SHTN1: variants seen among roughly 807,000 people sequenced by gnomAD.
The protein encoded by SHTN1 is shootin-1.
Under a neutral mutation model 83.1 loss-of-function variants are expected in SHTN1, and 42 were observed. That is an observed-to-expected ratio of 0.51 (90% CI 0.39 to 0.65). The LOEUF (loss-of-function observed/expected upper bound fraction) is 0.65, where lower values mean the gene tolerates loss of function less well. Among genes scored for constraint, SHTN1 ranks in the 30% least tolerant of loss-of-function variants. The pLI is 0.00. For missense variants in SHTN1, 622 were observed against 737.8 expected (o/e 0.84, Z 1.82); for synonymous variants, 224 against 247.7 (o/e 0.90, Z 0.90).
Position 116,885,621 on chromosome 10 carries a change from G to A in SHTN1, c.*723C>T, listed in dbSNP as rs1847142364. On this transcript the variant is annotated 3_prime_UTR_variant, in exon 17 of 17. Transcript: ENST00000355371. The stretch of plus-strand genomic sequence containing the variant: ...ATTAACTCATAGCACAGAGCACATG[G>A]TTTACCAACTTACTACTGTAAAATT... The A allele has an allele frequency of 6.6e-6, 1 of 152,468 alleles. No individual in the cohort carries two copies. Among genetic ancestry groups the A allele is most frequent in the Non-Finnish European group, 1.5e-5 (1 of 68,066 alleles). 9.4% of individuals were successfully genotyped at this position (152,468 alleles called of 1,614,324 possible).
chr10:117,050,719 T>A (rs978303839), intron 1 of SHTN1, among the ~76,000 whole-genome samples: 1 of 150,538 alleles, frequency 6.6e-6, no homozygotes, highest in African/African-American at 2.4e-5. Context: ...GGAGAGAGAT[T>A]CAATTACTAA....
At chr10:116,986,319 A>G (rs1052216588) in intron 1 of SHTN1, among the ~76,000 whole-genome samples, 1 of 152,200 alleles carries the variant, frequency 6.6e-6, no homozygotes, top group Non-Finnish European at 1.5e-5. Context: ...AGAGACACAT[A>G]AGGCAGATAG....
At chr10:116,995,100 T>G (rs1490681490) in intron 1 of SHTN1, among the ~76,000 whole-genome samples, 2 of 152,148 alleles carry the variant, frequency 1.3e-5, no homozygotes, top group Non-Finnish European at 2.9e-5. Flanking sequence ...CATAATGAAC[T>G]CCCATCAGAT....
chr10:116,923,759 C>T (rs1347039828), intron 11 of SHTN1, among the ~76,000 whole-genome samples: 11 of 152,142 alleles, frequency 7.2e-5, no homozygotes, highest in African/African-American at 2.4e-5. Context: ...TCATGTTGCC[C>T]AGGCTGGTCC....
intron 1 of SHTN1, among the ~76,000 whole-genome samples, chr10:117,114,356 G>A (rs1853813303): frequency 6.6e-6 from 1 of 152,194 alleles, no homozygotes; most frequent in East Asian, 1.9e-4. Context: ...GAGCCTCAGA[G>A]TATAGTGAGG....
intron 16 of SHTN1, among the ~76,000 whole-genome samples, chr10:116,895,254 C>A (rs767443108): frequency 6.6e-6 from 1 of 152,106 alleles, no homozygotes; most frequent in Non-Finnish European, 1.5e-5. Context: ...AAAACTATTT[C>A]TCAGCATGGT....
At chr10:117,095,481 C>T (rs1853491242) in intron 1 of SHTN1, among the ~76,000 whole-genome samples, 1 of 152,090 alleles carries the variant, frequency 6.6e-6, no homozygotes, top group Non-Finnish European at 1.5e-5. Context: ...AAATATCACA[C>T]TAAGAAGAAT....
rs184650121 is a variant in SHTN1 at position 116,887,411 on chromosome 10, T to C, written c.1674-845A>G. Among the ~76,000 whole-genome samples, 63 of 152,186 alleles carry C rather than the reference T, an allele frequency of 4.1e-4. 2 individuals are homozygous for C. Among genetic ancestry groups the C allele is most frequent in the Admixed American group, 3.6e-3 (55 of 15,292 alleles). ...AGCTGCAGCAGGCAGGGCTGGGGCTTTCGGACTTTTCTGGTCTTTTTGGAA... is the reference window on the plus strand; with the variant it reads ...AGCTGCAGCAGGCAGGGCTGGGGCTCTCGGACTTTTCTGGTCTTTTTGGAA... On this transcript the variant is annotated intron_variant, in intron 16 of 16. Coordinates refer to ENST00000355371, the MANE Select transcript of SHTN1 (RefSeq NM_001127211.3).
At chr10:117,019,600 G>C (rs771176942) in intron 2 of SHTN1, among the ~76,000 whole-genome samples, 7 of 152,044 alleles carry the variant, frequency 4.6e-5, no homozygotes, top group Non-Finnish European at 1.0e-4. Context: ...TCAGTGCTTT[G>C]GGAGGCCAAG....
At chr10:116,915,520 TAC>T in intron 12 of SHTN1, 36 bp from the exon 13 acceptor site, 7 of 1,218,216 alleles carry the variant, frequency 5.7e-6, no homozygotes, top group Non-Finnish European at 8.4e-6. Flanking sequence ...CCTCTTATGT[TAC>T]AAGAAAACAG....
chr10:117,107,576 T>C (rs1853690145), intron 1 of SHTN1, among the ~76,000 whole-genome samples: 3 of 152,150 alleles, frequency 2.0e-5, no homozygotes, highest in African/African-American at 2.4e-5. Context: ...TCCAGACATA[T>C]ATGCCAACTA....
chr10:116,980,770 C>A (rs1850986919), intron 1 of SHTN1, among the ~76,000 whole-genome samples: 1 of 152,090 alleles, frequency 6.6e-6, no homozygotes, highest in South Asian at 2.1e-4. Flanking sequence ...AAAGCACATG[C>A]CTTGTTTTCT....
intron 2 of SHTN1, among the ~76,000 whole-genome samples, chr10:117,011,985 A>G (rs906813260): frequency 6.6e-6 from 1 of 151,936 alleles, no homozygotes; most frequent in Non-Finnish European, 1.5e-5. Flanking sequence ...ATAAAAATAC[A>G]AAAAATTAGC....
intron 1 of SHTN1, among the ~76,000 whole-genome samples, chr10:117,074,110 T>G (rs1853122658): frequency 1.3e-5 from 2 of 152,166 alleles, no homozygotes; most frequent in South Asian, 2.1e-4. Flanking sequence ...TTAGCTAAAT[T>G]TAGCTAATTC....
intron 5 of SHTN1, among the ~76,000 whole-genome samples, 166 bp downstream of exon 5, chr10:116,953,876 G>C (rs1375313466): frequency 6.6e-6 from 1 of 151,920 alleles, no homozygotes; most frequent in African/African-American, 2.4e-5. Context: ...TGATCCACCC[G>C]CCTTGGCCTC....
At chr10:116,962,029 G>A (rs1850203267) in intron 3 of SHTN1, among the ~76,000 whole-genome samples, 1 of 151,534 alleles carries the variant, frequency 6.6e-6, no homozygotes, top group Non-Finnish European at 1.5e-5. Flanking sequence ...AGAAATGATT[G>A]TGTGTTGAAG....
chr10:116,995,876 A>G (rs1374340008), intron 1 of SHTN1, among the ~76,000 whole-genome samples: 1 of 152,140 alleles, frequency 6.6e-6, no homozygotes, highest in African/African-American at 2.4e-5. Flanking sequence ...CAGGCCCAGG[A>G]ACATCAGGAA....
intron 1 of SHTN1, among the ~76,000 whole-genome samples, chr10:117,111,746 G>A (rs945717917): frequency 2.0e-5 from 3 of 151,998 alleles, no homozygotes; most frequent in African/African-American, 7.3e-5. Context: ...CTAAAACTTA[G>A]AACTAAATCC....
intron 1 of SHTN1, among the ~76,000 whole-genome samples, chr10:117,098,396 C>CAA (rs11321262): frequency 7.9e-4 from 48 of 60,956 alleles, no homozygotes; most frequent in South Asian, 1.2e-3. Flanking sequence ...CACTCCGTCT[C>CAA]AAAAAAAAAA....
Sources: allele counts gnomAD v4.1 joint callset (sites outside exome capture counted in the v4.1 genomes callset), GRCh38; gene constraint gnomAD v4.1.1; transcripts MANE v1.5; gene names NCBI Gene and HGNC (gene_info 2026-07-23, HGNC 2026-07-21).